Variants in GLIS3 observed in about 807,000 individuals in gnomAD.
GLIS3 encodes zinc finger protein GLIS3.
GLIS3 carries 53 observed loss-of-function variants against 78.6 expected under a neutral mutation model. The ratio of observed to expected loss-of-function variants is 0.67; its 90% confidence interval spans 0.54 to 0.85. The LOEUF is 0.85. GLIS3 is among the 40% of genes least tolerant of loss of function. The probability of loss-of-function intolerance (pLI) is 0.00; values close to 1 mark genes in which losing one functional copy is unlikely to be tolerated. For synonymous variants in GLIS3, 684 were observed against 509.9 expected (o/e 1.34, Z -4.60); for missense variants, 1,703 against 1,231.1 (o/e 1.38, Z -5.74).
At chr9:4,351,161 T>C (rs1817966162), upstream of GLIS3, among the ~76,000 whole-genome samples, 1 of 152,144 alleles carries the variant, frequency 6.6e-6, no homozygotes, top group South Asian at 2.1e-4. Context: ...GAGAATTGCT[T>C]GAACACAGGA....
the GLIS3 span, among the ~76,000 whole-genome samples, chr9:4,401,495 C>G: frequency 1.0e-3 from 158 of 151,812 alleles, no homozygotes; most frequent in African/African-American, 3.6e-3. Flanking sequence ...AAATCTCAAC[C>G]TCGGGTAATC....
At chr9:3,917,005 G>C (rs976635116) in intron 6 of GLIS3, among the ~76,000 whole-genome samples, 2 of 152,184 alleles carry the variant, frequency 1.3e-5, no homozygotes, top group African/African-American at 4.8e-5. Context: ...CTGAGATAGT[G>C]AGTTGGTCCT....
rs1032853098 is a variant in GLIS3 at position 3,824,823 on chromosome 9, C to T, written c.*3449G>A. 2.7e-5 allele frequency: 4 copies of T among 150,236 alleles called. No individual in the cohort carries two copies. Among genetic ancestry groups the T allele is most frequent in the African/African-American group, 9.9e-5 (4 of 40,574 alleles). The allele number at this position is 150,236 out of a possible 1,614,324, so 9.3% of individuals were successfully genotyped here. On this transcript the variant is annotated 3_prime_UTR_variant, in exon 11 of 11. Transcript: ENST00000381971. Reference sequence around the variant, plus strand: ...CCCCCAAAGTGCTTTATGTCAGCAACATTACACAGGATACTTTGCTGTCTG... The same window carrying T: ...CCCCCAAAGTGCTTTATGTCAGCAATATTACACAGGATACTTTGCTGTCTG...
intron 2 of GLIS3, among the ~76,000 whole-genome samples, chr9:4,345,115 T>G (rs546982952): frequency 2.6e-5 from 4 of 152,276 alleles, no homozygotes; most frequent in Admixed American, 2.6e-4. Context: ...AGTTTCCCCC[T>G]CAGAGCAAAA....
At chr9:4,165,220 C>T (rs867932363) in intron 2 of GLIS3, among the ~76,000 whole-genome samples, 2 of 152,160 alleles carry the variant, frequency 1.3e-5, no homozygotes, top group Non-Finnish European at 2.9e-5. Flanking sequence ...ATGGGCAGAT[C>T]ACCTAAGGTC....
intron 2 of GLIS3, among the ~76,000 whole-genome samples, chr9:4,255,481 G>T (rs986364407): frequency 6.6e-6 from 1 of 152,134 alleles, no homozygotes; most frequent in Non-Finnish European, 1.5e-5. Context: ...CCCATCAGTG[G>T]GTGAATGGAT....
intron 2 of GLIS3, among the ~76,000 whole-genome samples, chr9:4,311,825 T>C: frequency 6.6e-6 from 1 of 152,172 alleles, no homozygotes; most frequent in East Asian, 1.9e-4. Context: ...AGGAATTCAG[T>C]TAGATGATGT....
At chr9:4,464,439 G>C in the GLIS3 span, among the ~76,000 whole-genome samples, 1 of 151,326 alleles carries the variant, frequency 6.6e-6, no homozygotes, top group African/African-American at 2.4e-5. Flanking sequence ...CTGTCACCCA[G>C]GCTGGAGTGC....
At chr9:4,254,457 G>C (rs780415415) in intron 2 of GLIS3, among the ~76,000 whole-genome samples, 1 of 152,180 alleles carries the variant, frequency 6.6e-6, no homozygotes, top group Non-Finnish European at 1.5e-5. Context: ...TGAAAGTCCT[G>C]ACAGTAAATA....
intron 2 of GLIS3, among the ~76,000 whole-genome samples, chr9:4,132,146 G>A (rs1833026800): frequency 6.6e-6 from 1 of 151,450 alleles, no homozygotes; most frequent in Non-Finnish European, 1.5e-5. Flanking sequence ...ATGTGCCAAT[G>A]ACTTGTGCAC....
At chr9:4,336,817 AC>A (rs994249365) in intron 2 of GLIS3, among the ~76,000 whole-genome samples, 2 of 152,180 alleles carry the variant, frequency 1.3e-5, no homozygotes, top group African/African-American at 4.8e-5. Flanking sequence ...CATACTAATT[AC>A]ACTACAGATC....
intron 2 of GLIS3, among the ~76,000 whole-genome samples, chr9:4,208,665 T>G (rs1319138788): frequency 8.5e-5 from 13 of 152,186 alleles, no homozygotes; most frequent in Non-Finnish European, 1.8e-4. Flanking sequence ...GTTCCGCACT[T>G]GGGTAGAGAA....
intron 2 of GLIS3, among the ~76,000 whole-genome samples, chr9:4,217,408 A>G (rs1411291484): frequency 6.6e-5 from 10 of 152,190 alleles, no homozygotes; most frequent in Admixed American, 3.9e-4. Context: ...GGCAGTCACA[A>G]CAAAGACAAC....
the GLIS3 span, among the ~76,000 whole-genome samples, chr9:4,359,922 T>C: frequency 6.6e-6 from 1 of 152,142 alleles, no homozygotes; most frequent in Non-Finnish European, 1.5e-5. Flanking sequence ...ATGTATTTTC[T>C]GTATATACTT....
At chr9:4,112,667 T>C (rs1286368670) in intron 4 of GLIS3, among the ~76,000 whole-genome samples, 1 of 152,154 alleles carries the variant, frequency 6.6e-6, no homozygotes, top group Non-Finnish European at 1.5e-5. Context: ...GAAAGATCAA[T>C]TTCTCTAGGC....
intron 1 of GLIS3, among the ~76,000 whole-genome samples, chr9:4,288,332 CA>C (rs1563903312): frequency 1.3e-5 from 2 of 151,778 alleles, no homozygotes; most frequent in Admixed American, 6.6e-5. Flanking sequence ...CACCCCCCGC[CA>C]AAAAAAGGCA....
In GLIS3 at chr9:3,903,251, C is replaced by T. The variant is rs114167879; in HGVS notation, c.1984-4416G>A. Among the ~76,000 whole-genome samples the T allele has an allele frequency of 2.9e-3, 445 of 152,256 alleles. 3 individuals carry two copies. Among genetic ancestry groups the T allele is most frequent in the African/African-American group, 1.0e-2 (414 of 41,550 alleles). On this transcript the variant is annotated intron_variant, in intron 6 of 10. Coordinates refer to ENST00000381971, the MANE Select transcript of GLIS3 (RefSeq NM_001042413.2). ...CATAATAATACATGGTTAAATGAGG[C>T]TCATTTCTTAAAAACAACTTGGATT... is the stretch of plus-strand genomic sequence containing the variant.
At chr9:4,373,780 G>A in the GLIS3 span, among the ~76,000 whole-genome samples, 1 of 150,758 alleles carries the variant, frequency 6.6e-6, no homozygotes, top group East Asian at 2.0e-4. Context: ...CAATTCTCCT[G>A]CCTCAGTCTC....
At chr9:4,314,653 G>A (rs906768736) in intron 2 of GLIS3, among the ~76,000 whole-genome samples, 2 of 152,192 alleles carry the variant, frequency 1.3e-5, no homozygotes, top group Non-Finnish European at 2.9e-5. Flanking sequence ...TCCACTAGCA[G>A]TTTCTGAAAA....
Sources: allele counts gnomAD v4.1 joint callset (sites outside exome capture counted in the v4.1 genomes callset), GRCh38; gene constraint gnomAD v4.1.1; transcripts MANE v1.5; gene names NCBI Gene and HGNC (gene_info 2026-07-23, HGNC 2026-07-21).